The following FER1L6 variants were observed in gnomAD, a reference collection of about 807,000 sequenced individuals.
The protein encoded by FER1L6 is fer-1-like protein 6.
FER1L6 carries 177 observed loss-of-function variants against 219.2 expected under a neutral mutation model. The ratio of observed to expected loss-of-function variants is 0.81; its 90% confidence interval spans 0.71 to 0.91. FER1L6 has a LOEUF of 0.91. FER1L6 is among the 40% of genes least tolerant of loss of function. The probability of loss-of-function intolerance (pLI) is 0.00; values close to 1 mark genes in which losing one functional copy is unlikely to be tolerated. For synonymous variants in FER1L6, 768 were observed against 824.3 expected (o/e 0.93, Z 1.17); for missense variants, 2,153 against 2,259.9 (o/e 0.95, Z 0.96).
intron 18 of FER1L6, among the ~76,000 whole-genome samples, chr8:124,024,032 G>T (rs903302355): frequency 6.6e-6 from 1 of 151,782 alleles, no homozygotes; most frequent in Non-Finnish European, 1.5e-5. Context: ...AAGTAGCTGG[G>T]ATTACAGATG....
chr8:123,923,003 T>C lies in FER1L6; in HGVS notation c.-7-32989T>C, dbSNP rs576090907. Among the ~76,000 whole-genome samples the C allele has an allele frequency of 4.6e-5, 7 of 152,222 alleles. No homozygotes were observed. In the South Asian group the frequency reaches 1.2e-3, roughly 27 times the overall value. On this transcript the variant is annotated intron_variant, in intron 1 of 40. Transcript: ENST00000522917. ...CCCCAGACCCCCATTCTGTCTTGCC[T>C]TCTCTGCTCTCAGTCTAGCCACATC...
chr8:124,061,998 C>T lies in FER1L6; in HGVS notation c.3294C>T (p.Pro1098=), dbSNP rs370645148. 1.1e-4 allele frequency: 175 copies of T among 1,614,146 alleles called. No homozygotes were observed. In the African/African-American group the frequency reaches 2.1e-3, roughly 20 times the overall value. The change falls in exon 25 of 41, where the codon CCC becomes CCT. Residue 1098 remains proline (P), a synonymous_variant. Coordinates refer to ENST00000522917, the MANE Select transcript of FER1L6 (RefSeq NM_001039112.2). The part of the protein sequence containing the change: ...FLCKLREPLA[P]ITQVDGTQPG... ...GTAAACTCAGAGAGCCCCTTGCCCC[C>T]ATCACACAGGTGGATGGAACCCAGC... is the stretch of plus-strand genomic sequence containing the variant.
intron 12 of FER1L6, among the ~76,000 whole-genome samples, chr8:123,987,536 A>G (rs1032726769): frequency 6.6e-6 from 1 of 152,026 alleles, no homozygotes; most frequent in Non-Finnish European, 1.5e-5. Context: ...ATGTGATCCC[A>G]TTTGTCCATT....
chr8:123,923,674 C>T (rs1813447759), intron 1 of FER1L6, among the ~76,000 whole-genome samples: 1 of 152,016 alleles, frequency 6.6e-6, no homozygotes, highest in South Asian at 2.1e-4. Flanking sequence ...TGTGCTAAGC[C>T]CATGCGTTAT....
intron 9 of FER1L6, among the ~76,000 whole-genome samples, chr8:123,976,371 G>A (rs187629474): frequency 5.7e-4 from 86 of 152,164 alleles, no homozygotes; most frequent in African/African-American, 1.7e-3. Context: ...GGGCGTGGGC[G>A]TGGTGGTGCA....
At chr8:124,112,540 CT>C (rs1823064044) in intron 39 of FER1L6, among the ~76,000 whole-genome samples, 1 of 152,206 alleles carries the variant, frequency 6.6e-6, no homozygotes, top group Non-Finnish European at 1.5e-5. Context: ...TAAGAAATCA[CT>C]CTTTTAAGAG....
At chr8:124,066,312 A>G (rs553400235) in intron 26 of FER1L6, 116 bp from the exon 27 acceptor site, 46 of 1,146,590 alleles carry the variant, frequency 4.0e-5, no homozygotes, top group Non-Finnish European at 5.6e-5. Flanking sequence ...ACCAGTGGAT[A>G]CCTCTGTGTG....
rs1270676715 is a variant in FER1L6 at position 124,003,248 on chromosome 8, C to T, written c.1601C>T (p.Pro534Leu). Residue 534 changes from proline (P) to leucine (L), a missense_variant, in exon 13 of 41, where the codon CCA becomes CTA. Transcript: ENST00000522917. Reference protein sequence around the residue: ...SAESAEEDLLPLLHEGQGDVA... With the variant: ...SAESAEEDLLLLLHEGQGDVA... ...GAATCAGCTGAAGAAGACCTCCTTC[C>T]ACTGCTTCACGAAGGGCAAGGGGAT... is the stretch of plus-strand genomic sequence containing the variant. 1.9e-6 allele frequency: 3 copies of T among 1,613,874 alleles called. No homozygotes were observed. The highest frequency in any genetic ancestry group is 2.5e-6 in the Non-Finnish European group (3 of 1,179,950).
At chr8:124,116,604 G>C (rs1473810186) in intron 39 of FER1L6, among the ~76,000 whole-genome samples, 1 of 152,234 alleles carries the variant, frequency 6.6e-6, no homozygotes, top group Non-Finnish European at 1.5e-5. Flanking sequence ...TAAGAGTAGA[G>C]AACAAAGGGG....
At chr8:124,078,108 T>C (rs1586675885) in intron 32 of FER1L6, among the ~76,000 whole-genome samples, 1 of 152,182 alleles carries the variant, frequency 6.6e-6, no homozygotes, top group East Asian at 1.9e-4. Flanking sequence ...TCTAGTCTGG[T>C]TAATGCCACA....
chr8:123,869,767 C>T (rs1485961828), intron 1 of FER1L6, among the ~76,000 whole-genome samples: 3 of 152,154 alleles, frequency 2.0e-5, no homozygotes, highest in South Asian at 4.1e-4. Context: ...TTAGAAGGCT[C>T]ATTCTACCTG....
rs1816539552 is a variant in FER1L6 at position 123,852,906 on chromosome 8, G to T, written c.-8+721G>T. ...GTAATTTTTGGAGATGGATTTTGAGGCAAATGTAATCATCCCTAAGGTTAT... is the reference window on the plus strand; with the variant it reads ...GTAATTTTTGGAGATGGATTTTGAGTCAAATGTAATCATCCCTAAGGTTAT... On this transcript the variant is annotated intron_variant, in intron 1 of 40. Coordinates refer to ENST00000522917, the MANE Select transcript of FER1L6 (RefSeq NM_001039112.2). The surrounding 1 kb of genome is among the most constrained non-coding windows in gnomAD (Gnocchi z 4.9). Among the ~76,000 whole-genome samples the T allele has an allele frequency of 6.6e-6, 1 of 152,074 alleles. No individual in the cohort carries two copies. Among genetic ancestry groups the T allele is most frequent in the Non-Finnish European group, 1.5e-5 (1 of 68,012 alleles).
intron 37 of FER1L6, among the ~76,000 whole-genome samples, 198 bp from the exon 38 acceptor site, chr8:124,100,899 C>T (rs1367898232): frequency 1.3e-5 from 2 of 152,036 alleles, no homozygotes; most frequent in Non-Finnish European, 2.9e-5. Flanking sequence ...TGAAATGAGC[C>T]ATTTTTCTAT....
At position 124,013,490 on chromosome 8, in the gene FER1L6, G is replaced by C; in HGVS notation, c.1881G>C (p.Glu627Asp). 6.2e-7 allele frequency: 1 copy of C among 1,610,570 alleles called. No individual in the cohort carries two copies. The highest frequency in any genetic ancestry group is 1.7e-5 in the Admixed American group (1 of 58,636). Residue 627 changes from glutamate (E) to aspartate (D), a missense_variant, in exon 15 of 41, where the codon GAG becomes GAC. Coordinates refer to ENST00000522917, the MANE Select transcript of FER1L6 (RefSeq NM_001039112.2). ...AGATTTCACAGGAGGCACCTGAAGAGAAAATGAAAACAGTGCTCAGTGACT... is the reference window on the plus strand; with the variant it reads ...AGATTTCACAGGAGGCACCTGAAGACAAAATGAAAACAGTGCTCAGTGACT... ...LIKISQEAPE[E>D]KMKTVLSDFI...
chr8:123,866,739 T>G (rs1215708775), intron 1 of FER1L6, among the ~76,000 whole-genome samples: 1 of 152,086 alleles, frequency 6.6e-6, no homozygotes, highest in African/African-American at 2.4e-5. Context: ...TGCCTCAGCC[T>G]CCCGAGTAGT....
chr8:124,000,137 C>T (rs1387308440), intron 12 of FER1L6, among the ~76,000 whole-genome samples: 1 of 152,176 alleles, frequency 6.6e-6, no homozygotes, highest in East Asian at 1.9e-4. Context: ...GTGTTGCTTT[C>T]CACTGTGACA....
rs544857863 is a variant in FER1L6 at position 123,982,722 on chromosome 8, G to A, written c.1410+1911G>A. 2.0e-4 allele frequency among the ~76,000 whole-genome samples: 30 copies of A among 152,332 alleles called. 1 individual carries two copies. Among genetic ancestry groups the A allele is most frequent in the South Asian group, 6.2e-4 (3 of 4,822 alleles). On this transcript the variant is annotated intron_variant, in intron 11 of 40. Coordinates refer to ENST00000522917, the MANE Select transcript of FER1L6 (RefSeq NM_001039112.2). ...GATCTCATGAAGTTTCCATCAAGGCGAGGGCAGGGGCTGTCATGATCTGAA... is the reference window on the plus strand; with the variant it reads ...GATCTCATGAAGTTTCCATCAAGGCAAGGGCAGGGGCTGTCATGATCTGAA...
At chr8:123,968,141 C>G (rs1193803521) in intron 5 of FER1L6, among the ~76,000 whole-genome samples, 5 of 152,116 alleles carry the variant, frequency 3.3e-5, no homozygotes, top group Non-Finnish European at 5.9e-5. Context: ...ATTTTCCCTT[C>G]TTGTTCCACG....
Position 124,010,807 on chromosome 8 carries a change from A to C in FER1L6, c.1821+93A>C. ...CCACCTAGTAGAGGATGTTGACCTCAGTTCAAACACAAATAAATTGAGGAT... is the reference window on the plus strand; with the variant it reads ...CCACCTAGTAGAGGATGTTGACCTCCGTTCAAACACAAATAAATTGAGGAT... On this transcript the variant is annotated intron_variant, in intron 14 of 40. Coordinates refer to ENST00000522917, the MANE Select transcript of FER1L6 (RefSeq NM_001039112.2). 2.7e-6 allele frequency: 4 copies of C among 1,499,602 alleles called. No individual in the cohort carries two copies. The South Asian group carries it at 5.1e-5, about 19-fold the overall frequency. The allele number at this position is 1,499,602 out of a possible 1,614,324, so 92.9% of individuals were successfully genotyped here.
Sources: gnomAD v4.1 joint callset for allele counts (sites outside exome capture counted in the v4.1 genomes callset) on GRCh38, gnomAD v4.1.1 for gene constraint, Gnocchi (gnomAD v3.1) non-coding constraint, MANE v1.5 for transcripts, NCBI Gene and HGNC (gene_info 2026-07-23, HGNC 2026-07-21) for gene names.